Variants in ARHGAP15 observed in about 807,000 individuals in gnomAD.
The protein encoded by ARHGAP15 is rho GTPase-activating protein 15.
Under a neutral mutation model 63.7 loss-of-function variants are expected in ARHGAP15, and 51 were observed. That is an observed-to-expected ratio of 0.80 (90% confidence interval 0.64 to 1.01). The LOEUF (loss-of-function observed/expected upper bound fraction) is 1.01, where lower values mean the gene tolerates loss of function less well. ARHGAP15 is among the 50% of genes least tolerant of loss of function. The pLI, the probability that ARHGAP15 is intolerant of heterozygous loss-of-function variation, is 0.00. For synonymous variants in ARHGAP15, 191 were observed against 193.8 expected, an observed-to-expected ratio of 0.99 and a Z score of 0.12; for missense variants, 560 against 564.6, an observed-to-expected ratio of 0.99 and a Z score of 0.08.
At chr2:143,356,421 CA>C (rs1685813864) in intron 6 of ARHGAP15, among the ~76,000 whole-genome samples, 1 of 152,108 alleles carries the variant, frequency 6.6e-6, no homozygotes, top group Non-Finnish European at 1.5e-5. Context: ...CTTCCCCCAC[CA>C]TGATCTTTTA....
At chr2:143,629,828 G>A (rs1452427825) in intron 12 of ARHGAP15, among the ~76,000 whole-genome samples, 1 of 152,128 alleles carries the variant, frequency 6.6e-6, no homozygotes, top group Non-Finnish European at 1.5e-5. Context: ...GTTACTATGA[G>A]AATGAGAATA....
intron 6 of ARHGAP15, among the ~76,000 whole-genome samples, chr2:143,289,052 C>G (rs1452556652): frequency 1.3e-5 from 2 of 151,986 alleles, no homozygotes; most frequent in African/African-American, 4.8e-5. Context: ...CTGATGAAGA[C>G]AGTGAGAGAA....
At chr2:143,368,789 C>T (rs1289050646) in intron 6 of ARHGAP15, among the ~76,000 whole-genome samples, 1 of 151,878 alleles carries the variant, frequency 6.6e-6, no homozygotes, top group Non-Finnish European at 1.5e-5. Context: ...TCAAAGCCAC[C>T]CACTTAATTT....
intron 6 of ARHGAP15, among the ~76,000 whole-genome samples, chr2:143,261,846 G>A (rs1268202966): frequency 3.3e-5 from 5 of 152,148 alleles, no homozygotes; most frequent in Non-Finnish European, 5.9e-5. Context: ...AGCCAATGCA[G>A]AACCCATTAT....
chr2:143,245,520 A>G (rs1473358510), intron 5 of ARHGAP15, among the ~76,000 whole-genome samples: 1 of 152,214 alleles, frequency 6.6e-6, no homozygotes, highest in Non-Finnish European at 1.5e-5. Flanking sequence ...AACAGAGAAC[A>G]TGAATTGAGG....
intron 6 of ARHGAP15, among the ~76,000 whole-genome samples, chr2:143,339,738 C>T (rs1489190525): frequency 6.6e-6 from 1 of 152,142 alleles, no homozygotes; most frequent in Non-Finnish European, 1.5e-5. Flanking sequence ...CAATCTATGA[C>T]TAAGATTCTC....
intron 13 of ARHGAP15, among the ~76,000 whole-genome samples, chr2:143,708,704 T>C (rs1477750020): frequency 6.6e-6 from 1 of 152,050 alleles, no homozygotes; most frequent in Non-Finnish European, 1.5e-5. Context: ...ATAAGGAAAT[T>C]GGAAATAGGC....
At chr2:143,544,522 G>C (rs1695241627) in intron 10 of ARHGAP15, among the ~76,000 whole-genome samples, 1 of 152,024 alleles carries the variant, frequency 6.6e-6, no homozygotes, top group African/African-American at 2.4e-5. Flanking sequence ...AAATAGTTGG[G>C]AAATATGTAA....
chr2:143,592,003 A>G (rs1697340638), intron 11 of ARHGAP15, among the ~76,000 whole-genome samples: 1 of 152,144 alleles, frequency 6.6e-6, no homozygotes, highest in Admixed American at 6.5e-5. Flanking sequence ...GCCCAAATAA[A>G]GCACTATAGT....
chr2:143,693,561 T>C (rs1683709171), intron 12 of ARHGAP15, among the ~76,000 whole-genome samples: 1 of 152,194 alleles, frequency 6.6e-6, no homozygotes. Flanking sequence ...ATTTGTTCAT[T>C]TTTTCTCCAT....
At chr2:143,736,384 G>A (rs1222925965) in intron 13 of ARHGAP15, among the ~76,000 whole-genome samples, 6 of 147,042 alleles carry the variant, frequency 4.1e-5, no homozygotes, top group Admixed American at 6.8e-5. Flanking sequence ...CAACAAGAGC[G>A]AAACTCTGTC....
At chr2:143,566,814 C>T (rs1244050552) in intron 11 of ARHGAP15, among the ~76,000 whole-genome samples, 5 of 152,074 alleles carry the variant, frequency 3.3e-5, no homozygotes, top group Admixed American at 1.3e-4. Flanking sequence ...CTTCACTGTA[C>T]CCACCCAGCC....
At chr2:143,130,085 G>A (rs1688860192) in intron 1 of ARHGAP15, among the ~76,000 whole-genome samples, 1 of 151,912 alleles carries the variant, frequency 6.6e-6, no homozygotes, top group Admixed American at 6.6e-5. Context: ...TAATTCATAA[G>A]CAAACTTTTA....
At chr2:143,541,158 G>A (rs1695029619) in intron 10 of ARHGAP15, among the ~76,000 whole-genome samples, 2 of 152,118 alleles carry the variant, frequency 1.3e-5, no homozygotes, top group Admixed American at 1.3e-4. Context: ...CTTTCTGCCA[G>A]TTGATCGCAT....
Position 143,285,708 on chromosome 2 carries a change from G to T in ARHGAP15, c.474+35108G>T, listed in dbSNP as rs557181872. On this transcript the variant is annotated intron_variant, in intron 6 of 13. Transcript: ENST00000295095. ...TATAGTATCAGTTTATTGTACTTCA[G>T]ATTTTAGCACAAGCATTTCAGAACA... 7.9e-5 allele frequency among the ~76,000 whole-genome samples: 12 copies of T among 152,198 alleles called. No individual in the cohort carries two copies. In the East Asian group the frequency reaches 2.3e-3, roughly 29 times the overall value.
intron 6 of ARHGAP15, among the ~76,000 whole-genome samples, chr2:143,370,590 T>C (rs1170473552): frequency 6.6e-6 from 1 of 152,202 alleles, no homozygotes; most frequent in African/African-American, 2.4e-5. Flanking sequence ...TTTGATGCCT[T>C]ATGAGGAAAT....
At chr2:143,392,621 C>T (rs1687582480) in intron 6 of ARHGAP15, among the ~76,000 whole-genome samples, 2 of 152,152 alleles carry the variant, frequency 1.3e-5, no homozygotes, top group South Asian at 2.1e-4. Flanking sequence ...ATGAGTGTGG[C>T]TGTTTCAGCA....
At chr2:143,616,677 G>A (rs912591692) in intron 11 of ARHGAP15, among the ~76,000 whole-genome samples, 1 of 152,162 alleles carries the variant, frequency 6.6e-6, no homozygotes, top group African/African-American at 2.4e-5. Flanking sequence ...TATAGACCAG[G>A]TGGTAATAGA....
intron 1 of ARHGAP15, among the ~76,000 whole-genome samples, chr2:143,155,187 G>GT (rs930510873): frequency 1.3e-5 from 2 of 151,866 alleles, no homozygotes; most frequent in African/African-American, 4.8e-5. Context: ...AAGGAAAACT[G>GT]TATCTCATTA....
Sources: gnomAD v4.1 joint callset for allele counts (sites outside exome capture counted in the v4.1 genomes callset) on GRCh38, gnomAD v4.1.1 for gene constraint, MANE v1.5 for transcripts, NCBI Gene and HGNC (gene_info 2026-07-23, HGNC 2026-07-21) for gene names.